The following PLA2G5 variants were observed in gnomAD, a reference collection of about 807,000 sequenced individuals.
The protein encoded by PLA2G5 is phospholipase A2 group V, also known as Ca2+-dependent phospholipase A2.
PLA2G5 carries 12 observed loss-of-function variants against 15.9 expected under a neutral mutation model. The ratio of observed to expected loss-of-function variants is 0.76; its 90% CI spans 0.48 to 1.23. PLA2G5 has a LOEUF of 1.23. Among genes scored for constraint, PLA2G5 ranks in the 50% most tolerant of loss-of-function variants. The pLI is 0.00. For synonymous variants in PLA2G5, 71 were observed against 71.4 expected (o/e 0.99, Z 0.03); for missense variants, 169 against 177.1 (o/e 0.95, Z 0.26).
At chr1:20,056,805 T>G (rs1351302215) in intron 1 of PLA2G5, among the ~76,000 whole-genome samples, 1 of 152,228 alleles carries the variant, frequency 6.6e-6, no homozygotes, top group African/African-American at 2.4e-5. Context: ...ATTTTTTCCT[T>G]AAATATTGGT....
intron 1 of PLA2G5, among the ~76,000 whole-genome samples, chr1:20,032,618 A>G (rs911350890): frequency 2.9e-4 from 44 of 152,148 alleles, no homozygotes; most frequent in African/African-American, 9.9e-4. Flanking sequence ...GAGAATGTGT[A>G]TAAGAGTTGG....
At chr1:20,083,100 G>A (rs893586606) in intron 1 of PLA2G5, among the ~76,000 whole-genome samples, 1 of 151,946 alleles carries the variant, frequency 6.6e-6, no homozygotes, top group Non-Finnish European at 1.5e-5. Context: ...CAGCTCCAGG[G>A]AGCAGCAGAG....
At chr1:20,039,723 C>A (rs1436739442) in intron 1 of PLA2G5, among the ~76,000 whole-genome samples, 1 of 152,022 alleles carries the variant, frequency 6.6e-6, no homozygotes, top group African/African-American at 2.4e-5. Context: ...CTTATAAGAA[C>A]TTTACATACT....
chr1:20,063,161 C>A (rs1439375053), intron 2 of PLA2G5, among the ~76,000 whole-genome samples: 4 of 151,992 alleles, frequency 2.6e-5, no homozygotes, highest in Non-Finnish European at 5.9e-5. Flanking sequence ...CCACTGTACT[C>A]TAGCCCAGGC....
At chr1:20,037,028 T>C (rs1015731776) in intron 1 of PLA2G5, among the ~76,000 whole-genome samples, 17 of 152,226 alleles carry the variant, frequency 1.1e-4, no homozygotes, top group African/African-American at 3.6e-4. Context: ...AGCTGAATAA[T>C]TGACCTTCTG....
At chr1:20,077,873 T>C (rs2015773841) in intron 1 of PLA2G5, among the ~76,000 whole-genome samples, 1 of 152,202 alleles carries the variant, frequency 6.6e-6, no homozygotes, top group African/African-American at 2.4e-5. Flanking sequence ...TCATTAAGCA[T>C]TGTTTGTTGA....
chr1:20,044,978 G>A (rs1347981767), intron 1 of PLA2G5, among the ~76,000 whole-genome samples: 1 of 152,144 alleles, frequency 6.6e-6, no homozygotes, highest in South Asian at 2.1e-4. Flanking sequence ...ATGTGTAAAA[G>A]AATGCCTGGA....
chr1:20,050,408 G>A (rs1396439191), intron 1 of PLA2G5, among the ~76,000 whole-genome samples: 1 of 152,174 alleles, frequency 6.6e-6, no homozygotes, highest in Non-Finnish European at 1.5e-5. Context: ...ATGTGAGATT[G>A]TAAGGGCCAA....
At chr1:20,083,831 C>G (rs2016156337) in intron 1 of PLA2G5, among the ~76,000 whole-genome samples, 1 of 151,748 alleles carries the variant, frequency 6.6e-6, no homozygotes, top group African/African-American at 2.4e-5. Flanking sequence ...CCTGAGCTTT[C>G]TGAGCCTCAA....
At chr1:20,060,813 T>A (rs604447) in intron 2 of PLA2G5, among the ~76,000 whole-genome samples, 1 of 151,090 alleles carries the variant, frequency 6.6e-6, no homozygotes, top group Non-Finnish European at 1.5e-5. Flanking sequence ...TGCCTCCCAG[T>A]TTCAAGCGAT....
At chr1:20,034,188 G>A (rs1002265586) in intron 1 of PLA2G5, among the ~76,000 whole-genome samples, 4 of 152,134 alleles carry the variant, frequency 2.6e-5, no homozygotes, top group African/African-American at 7.2e-5. Flanking sequence ...ATGTATTGGA[G>A]GAGGGTGTTA....
At chr1:20,062,587 A>C (rs185260030) in intron 2 of PLA2G5, among the ~76,000 whole-genome samples, 97 of 152,284 alleles carry the variant, frequency 6.4e-4, no homozygotes, top group African/African-American at 2.1e-3. Context: ...TGAGCTCAGG[A>C]GTTTCAGACC....
chr1:20,050,716 T>C (rs1347237242), intron 1 of PLA2G5, among the ~76,000 whole-genome samples: 1 of 152,180 alleles, frequency 6.6e-6, no homozygotes, highest in Non-Finnish European at 1.5e-5. Flanking sequence ...TTTGACTTTT[T>C]TTTGGGAAAT....
At chr1:20,041,249 T>C (rs1557725326) in intron 1 of PLA2G5, among the ~76,000 whole-genome samples, 1 of 152,100 alleles carries the variant, frequency 6.6e-6, no homozygotes, top group Non-Finnish European at 1.5e-5. Context: ...AATAGAACAA[T>C]TTGCTGAGGT....
Position 20,057,319 on chromosome 1 carries a change from C to CT in PLA2G5, n.277-2302dup, listed in dbSNP as rs34779534. Among the ~76,000 whole-genome samples, 788 of 143,320 alleles carry CT rather than the reference C, an allele frequency of 5.5e-3. 5 individuals carry two copies. Among genetic ancestry groups the CT allele is most frequent in the Non-Finnish European group, 8.4e-3 (551 of 65,216 alleles). The allele number at this position is 143,320 out of a possible 152,430, so 94.0% of individuals were successfully genotyped here. A position where few individuals can be genotyped will look rare whatever the true frequency, so the allele number is the denominator to read the frequency against. ...GAAGCTTAGATTATTGGTTTTAGGT[C>CT]TTTTTTTTTTTCTAATGTGTGTGTT... is the stretch of plus-strand genomic sequence containing the variant. On this transcript the variant is annotated intron_variant and non_coding_transcript_variant, in intron 1 of 6. Coordinates refer to the PLA2G5 transcript ENST00000460175.
intron 1 of PLA2G5, among the ~76,000 whole-genome samples, chr1:20,080,913 C>A (rs1160268055): frequency 1.3e-5 from 2 of 151,810 alleles, no homozygotes; most frequent in Non-Finnish European, 2.9e-5. Context: ...GGGAGCAGGG[C>A]CCGAAGAGGA....
chr1:20,064,652 G>A (rs760385993), intron 2 of PLA2G5, among the ~76,000 whole-genome samples: 2 of 152,080 alleles, frequency 1.3e-5, no homozygotes, highest in Non-Finnish European at 2.9e-5. Flanking sequence ...CCAGCACTTT[G>A]GGAGGCCAAG....
upstream of PLA2G5, chr1:20,070,104 T>G: frequency 1.5e-6 from 1 of 660,012 alleles, no homozygotes; most frequent in South Asian, 6.7e-5. Flanking sequence ...TCCACCCGCA[T>G]TGGAATTCTC....
upstream of PLA2G5, among the ~76,000 whole-genome samples, chr1:20,069,470 T>C (rs11573188): frequency 0.34 from 51,699 of 151,960 alleles, 10,239 homozygotes; most frequent in Non-Finnish European, 0.45. Flanking sequence ...CTCAGGAGTT[T>C]GAGACCAGAC....
Sources: allele counts gnomAD v4.1 joint callset (sites outside exome capture counted in the v4.1 genomes callset), GRCh38; gene constraint gnomAD v4.1.1; transcripts MANE v1.5; gene names NCBI Gene and HGNC (gene_info 2026-07-23, HGNC 2026-07-21).